The following GPHN variants were observed in gnomAD, a reference collection of about 807,000 sequenced individuals.
GPHN encodes gephyrin.
A neutral mutation model predicts 95.5 loss-of-function variants in GPHN; 17 were observed. That is an observed-to-expected ratio of 0.18 (90% CI 0.12 to 0.27). The LOEUF (loss-of-function observed/expected upper bound fraction) is 0.27, where lower values mean the gene tolerates loss of function less well. Among genes scored for constraint, GPHN ranks in the 10% least tolerant of loss-of-function variants. GPHN has a pLI of 1.00. For missense variants in GPHN, 660 were observed against 978.1 expected (o/e 0.67, Z 4.34); for synonymous variants, 320 against 322.5 (o/e 0.99, Z 0.08).
intron 11 of GPHN, among the ~76,000 whole-genome samples, chr14:67,074,263 A>G (rs1310675231): frequency 6.6e-6 from 1 of 151,462 alleles, no homozygotes; most frequent in Non-Finnish European, 1.5e-5. Flanking sequence ...TTTTTCCAAC[A>G]GCATGTGTTC....
chr14:67,092,450 C>G (rs2077185108), intron 12 of GPHN, among the ~76,000 whole-genome samples: 1 of 152,048 alleles, frequency 6.6e-6, no homozygotes, highest in African/African-American at 2.4e-5. Context: ...TTACCTTAGG[C>G]CTTCCAGTAA....
the GPHN span, chr14:67,569,333 C>A: frequency 1.5e-6 from 1 of 686,126 alleles, no homozygotes; most frequent in South Asian, 1.7e-5. Flanking sequence ...CTACCCTGTT[C>A]CCCTCCCCAG....
At chr14:66,731,296 C>T (rs1186097002) in intron 2 of GPHN, among the ~76,000 whole-genome samples, 1 of 152,104 alleles carries the variant, frequency 6.6e-6, no homozygotes, top group African/African-American at 2.4e-5. Context: ...GGGTAACAGG[C>T]AGGGATTGGA....
the GPHN span, among the ~76,000 whole-genome samples, chr14:67,256,349 A>G: frequency 1.3e-5 from 2 of 152,302 alleles, no homozygotes; most frequent in East Asian, 3.9e-4. Flanking sequence ...AAAGAGCTTC[A>G]TGCTCTAGTA....
chr14:67,530,979 A>G, the GPHN span, among the ~76,000 whole-genome samples: 3 of 152,210 alleles, frequency 2.0e-5, no homozygotes, highest in African/African-American at 7.2e-5. Flanking sequence ...ACCAGTTGAC[A>G]AGTCCCCATC....
intron 18 of GPHN, among the ~76,000 whole-genome samples, chr14:67,151,457 A>G (rs1367556808): frequency 2.6e-5 from 4 of 152,218 alleles, no homozygotes; most frequent in Non-Finnish European, 5.9e-5. Flanking sequence ...TAGACCATAA[A>G]ACCAAATCCC....
At chr14:67,438,936 G>T in the GPHN span, among the ~76,000 whole-genome samples, 4 of 151,248 alleles carry the variant, frequency 2.6e-5, no homozygotes, top group African/African-American at 9.7e-5. Context: ...ATACACGGCA[G>T]CTAGTGCTAC....
chr14:67,615,384 A>G, the GPHN span: 3 of 160,002 alleles, frequency 1.9e-5, no homozygotes, highest in African/African-American at 7.2e-5. Context: ...AAAATGAATT[A>G]TAGGCAGTAC....
intron 6 of GPHN, among the ~76,000 whole-genome samples, chr14:66,921,536 A>G (rs538077987): frequency 5.2e-4 from 79 of 152,042 alleles, no homozygotes; most frequent in African/African-American, 1.7e-3. Context: ...GAAGATTACA[A>G]AACACTGCTG....
chr14:66,842,221 T>C (rs1301192782), intron 4 of GPHN, among the ~76,000 whole-genome samples: 1 of 152,182 alleles, frequency 6.6e-6, no homozygotes, highest in Non-Finnish European at 1.5e-5. Context: ...AGATATTTAC[T>C]GGTATTACTA....
the GPHN span, among the ~76,000 whole-genome samples, chr14:67,256,888 C>T: frequency 6.6e-6 from 1 of 151,712 alleles, no homozygotes; most frequent in Non-Finnish European, 1.5e-5. Flanking sequence ...ATTCTTTTTA[C>T]CAAAGAATGT....
the GPHN span, among the ~76,000 whole-genome samples, chr14:67,444,074 G>A: frequency 6.6e-6 from 1 of 152,110 alleles, no homozygotes; most frequent in African/African-American, 2.4e-5. Flanking sequence ...CTATGATCTG[G>A]AAGCCCACTC....
At chr14:66,542,883 G>A (rs986975922) in intron 1 of GPHN, among the ~76,000 whole-genome samples, 1 of 152,114 alleles carries the variant, frequency 6.6e-6, no homozygotes, top group Non-Finnish European at 1.5e-5. Flanking sequence ...AAATGCCTGC[G>A]ACTAGGTAAT....
chr14:66,529,815 T>C (rs2058839558), intron 1 of GPHN, among the ~76,000 whole-genome samples: 1 of 152,130 alleles, frequency 6.6e-6, no homozygotes, highest in Admixed American at 6.5e-5. Context: ...ATGGTAAAGA[T>C]TGCTACCTGT....
chr14:66,606,707 C>T (rs993409535), intron 1 of GPHN, among the ~76,000 whole-genome samples: 2 of 151,956 alleles, frequency 1.3e-5, no homozygotes, highest in East Asian at 3.9e-4. Context: ...TAGATGTATG[C>T]ATAGGTTTTT....
intron 1 of GPHN, among the ~76,000 whole-genome samples, chr14:66,639,121 A>AATATATATAT (rs4058479): frequency 0.086 from 12,470 of 145,824 alleles, 912 homozygotes; most frequent in East Asian, 0.38. Flanking sequence ...ACTGAAGGTA[A>AATATATATAT]ATATATATAT....
At chr14:67,263,792 T>C in the GPHN span, among the ~76,000 whole-genome samples, 1 of 152,204 alleles carries the variant, frequency 6.6e-6, no homozygotes, top group Non-Finnish European at 1.5e-5. Flanking sequence ...GCAAGTAGTG[T>C]TGCTGCTTTT....
the GPHN span, chr14:67,586,013 CA>C: frequency 6.2e-7 from 1 of 1,613,916 alleles, no homozygotes; most frequent in Non-Finnish European, 8.5e-7. Context: ...GGGATGACTT[CA>C]TGCTTGTGAT....
the GPHN span, among the ~76,000 whole-genome samples, chr14:67,710,326 A>T: frequency 6.6e-6 from 1 of 152,338 alleles, no homozygotes; most frequent in Admixed American, 6.5e-5. Flanking sequence ...ACCTTAATTT[A>T]AAAAAAGTTT....
Sources: gnomAD v4.1 joint callset for allele counts (sites outside exome capture counted in the v4.1 genomes callset) on GRCh38, gnomAD v4.1.1 for gene constraint, MANE v1.5 for transcripts, NCBI Gene and HGNC (gene_info 2026-07-23, HGNC 2026-07-21) for gene names.